The following GIPC2 variants were observed in gnomAD, a reference collection of about 807,000 sequenced individuals.
The protein encoded by GIPC2 is PDZ domain-containing protein GIPC2.
GIPC2 carries 30 observed loss-of-function variants against 30.6 expected under a neutral mutation model. The observed-to-expected ratio is 0.98, with a 90% CI of 0.73 to 1.33. The LOEUF (loss-of-function observed/expected upper bound fraction) is 1.33, where lower values mean the gene tolerates loss of function less well. Ranked by LOEUF, GIPC2 falls within the 40% of genes most tolerant of loss-of-function variation. The pLI is 0.00. For missense variants in GIPC2, 414 were observed against 390.3 expected, an observed-to-expected ratio of 1.06 and a Z score of -0.51; for synonymous variants, 167 against 150.0, an observed-to-expected ratio of 1.11 and a Z score of -0.83.
chr1:78,046,331 G>A lies in GIPC2; in HGVS notation c.237G>A (p.Ser79=), dbSNP rs374832712. 1.2e-4 allele frequency: 193 copies of A among 1,609,566 alleles called. No individual in the cohort carries two copies. The highest frequency in any genetic ancestry group is 1.6e-4 in the Non-Finnish European group (183 of 1,178,772). The stretch of plus-strand genomic sequence containing the variant: ...CGGGCGCGTTTGAAATCTCGCCGTC[G>A]GAGGTAAGGCGCCAGGTGCTCAGGC... The part of the protein sequence containing the change: ...QIAGAFEISP[S]EILYCTLNTP... The change falls in exon 1 of 6, where the codon TCG becomes TCA. Residue 79 remains serine (S), a synonymous_variant. Transcript: ENST00000370759.
intron 1 of GIPC2, among the ~76,000 whole-genome samples, chr1:78,048,473 C>G (rs931426822): frequency 6.6e-6 from 1 of 151,506 alleles, no homozygotes; most frequent in Non-Finnish European, 1.5e-5. Flanking sequence ...GTTGCCCAGG[C>G]TGGACTGCAG....
Position 78,123,431 on chromosome 1 carries a change from G to T in GIPC2, c.715-2450G>T, listed in dbSNP as rs183683932. On this transcript the variant is annotated intron_variant, in intron 4 of 5. Transcript: ENST00000370759. The stretch of plus-strand genomic sequence containing the variant: ...GGGTGCTGGAAGTACTGGTTAGGTA[G>T]GGGTGATGAGGCTAGAGGCATAGGC... Among the ~76,000 whole-genome samples, 698 of 152,170 alleles carry T rather than the reference G, an allele frequency of 4.6e-3. 6 individuals carry two copies. The highest frequency in any genetic ancestry group is 0.016 in the African/African-American group (664 of 41,502).
intron 1 of GIPC2, among the ~76,000 whole-genome samples, chr1:78,056,876 A>G (rs1414897261): frequency 1.3e-5 from 2 of 152,080 alleles, no homozygotes; most frequent in South Asian, 2.1e-4. Flanking sequence ...TATGTTTTTG[A>G]GTCTTTTTTA....
In GIPC2 at chr1:78,046,306, C is replaced by G; in HGVS notation, c.212C>G (p.Ala71Gly). 6.2e-7 allele frequency: 1 copy of G among 1,611,474 alleles called. No homozygotes were observed. The highest frequency in any genetic ancestry group is 8.5e-7 in the Non-Finnish European group (1 of 1,179,472). Residue 71 changes from alanine (A) to glycine (G), a missense_variant, in exon 1 of 6, where the codon GCG (alanine) becomes GGG (glycine). Transcript: ENST00000370759. The part of the protein sequence containing the change: ...SSIQELYAQI[A>G]GAFEISPSEI... Reference sequence around the variant, plus strand: ...ATCCAGGAGCTCTACGCCCAGATCGCGGGCGCGTTTGAAATCTCGCCGTCG... The same window carrying G: ...ATCCAGGAGCTCTACGCCCAGATCGGGGGCGCGTTTGAAATCTCGCCGTCG...
At chr1:78,104,085 C>T (rs1158104754) in intron 3 of GIPC2, among the ~76,000 whole-genome samples, 1 of 149,796 alleles carries the variant, frequency 6.7e-6, no homozygotes, top group South Asian at 2.1e-4. Flanking sequence ...CAGCATCAGC[C>T]TTTTGAAGCC....
intron 4 of GIPC2, among the ~76,000 whole-genome samples, chr1:78,122,218 A>G (rs1209884953): frequency 6.6e-6 from 1 of 152,268 alleles, no homozygotes; most frequent in African/African-American, 2.4e-5. Context: ...TCATAATGAA[A>G]GGAAAAAGCT....
chr1:78,050,147 C>T (rs1038921825), intron 1 of GIPC2, among the ~76,000 whole-genome samples: 1 of 151,896 alleles, frequency 6.6e-6, no homozygotes, highest in South Asian at 2.1e-4. Flanking sequence ...CCGCCCACCT[C>T]GGCCTCCCAA....
intron 2 of GIPC2, among the ~76,000 whole-genome samples, chr1:78,083,783 G>A (rs1379550467): frequency 6.6e-6 from 1 of 152,122 alleles, no homozygotes; most frequent in Non-Finnish European, 1.5e-5. Flanking sequence ...CTGAGACTTG[G>A]CCTGCAGGAA....
chr1:78,117,062 G>A (rs1235151895), intron 3 of GIPC2, among the ~76,000 whole-genome samples: 1 of 152,106 alleles, frequency 6.6e-6, no homozygotes, highest in East Asian at 1.9e-4. Context: ...GTGTGAGATG[G>A]TATCTCATGG....
chr1:78,101,799 G>A (rs1662255246), intron 3 of GIPC2, among the ~76,000 whole-genome samples: 1 of 152,156 alleles, frequency 6.6e-6, no homozygotes, highest in Non-Finnish European at 1.5e-5. Context: ...ATGAAAAGGA[G>A]CATGGCTTTA....
intron 5 of GIPC2, among the ~76,000 whole-genome samples, chr1:78,132,665 ATGTGTGTGTGTGTG>A (rs61463492): frequency 7.0e-6 from 1 of 142,608 alleles, no homozygotes; most frequent in African/African-American, 2.6e-5. Flanking sequence ...ATAGCCAAGG[ATGTGTGTGTGTGTG>A]TGTGTGTGTG....
At position 78,135,778 on chromosome 1, in the gene GIPC2, G is replaced by A. The variant is rs777091788; in HGVS notation, c.*35G>A. ...TCCATCTCTGAAGAAACAACCCATCGTTCTTTTTTTTCTCTTTTTTAAAAA... is the reference window on the plus strand; with the variant it reads ...TCCATCTCTGAAGAAACAACCCATCATTCTTTTTTTTCTCTTTTTTAAAAA... On this transcript the variant is annotated 3_prime_UTR_variant, in exon 6 of 6. Transcript: ENST00000370759. 3.9e-6 allele frequency: 6 copies of A among 1,551,876 alleles called. No individual in the cohort carries two copies. Among genetic ancestry groups the A allele is most frequent in the Middle Eastern group, 1.7e-4 (1 of 5,932 alleles).
chr1:78,090,949 A>C (rs956823647), intron 2 of GIPC2, among the ~76,000 whole-genome samples: 1 of 152,224 alleles, frequency 6.6e-6, no homozygotes, highest in African/African-American at 2.4e-5. Context: ...AGAAATAAGG[A>C]AACGGAAAAT....
intron 4 of GIPC2, among the ~76,000 whole-genome samples, chr1:78,120,312 G>T (rs576423817): frequency 6.6e-6 from 1 of 152,096 alleles, no homozygotes; most frequent in Non-Finnish European, 1.5e-5. Context: ...AACACTCCAG[G>T]TGTATCCCCA....
chr1:78,057,030 T>C (rs1461116571), intron 1 of GIPC2, among the ~76,000 whole-genome samples: 1 of 152,208 alleles, frequency 6.6e-6, no homozygotes, highest in African/African-American at 2.4e-5. Context: ...CTGTATTTCC[T>C]ATAAATTAAT....
At chr1:78,097,253 A>G (rs1282216222) in intron 3 of GIPC2, among the ~76,000 whole-genome samples, 1 of 152,138 alleles carries the variant, frequency 6.6e-6, no homozygotes, top group Non-Finnish European at 1.5e-5. Flanking sequence ...CCAAGAATTC[A>G]AATTTCATAG....
chr1:78,060,178 T>A (rs1016021592), intron 1 of GIPC2, among the ~76,000 whole-genome samples: 1 of 151,830 alleles, frequency 6.6e-6, no homozygotes, highest in Non-Finnish European at 1.5e-5. Flanking sequence ...ACCTGTTTCA[T>A]CTCTCTTTTT....
At chr1:78,105,441 C>A (rs1043044629) in intron 3 of GIPC2, among the ~76,000 whole-genome samples, 7 of 152,118 alleles carry the variant, frequency 4.6e-5, no homozygotes, top group African/African-American at 1.7e-4. Flanking sequence ...CACGCACCAC[C>A]ACGTCCAGCT....
intron 1 of GIPC2, among the ~76,000 whole-genome samples, chr1:78,062,505 C>T (rs202136690): frequency 1.3e-4 from 18 of 138,632 alleles, no homozygotes; most frequent in African/African-American, 3.2e-4. Context: ...TTTTCTTTTT[C>T]TTTTTTTTTT....
Sources: gnomAD v4.1 joint callset for allele counts (sites outside exome capture counted in the v4.1 genomes callset) on GRCh38, gnomAD v4.1.1 for gene constraint, MANE v1.5 for transcripts, NCBI Gene and HGNC (gene_info 2026-07-23, HGNC 2026-07-21) for gene names.